The following PARD3 variants were observed in gnomAD, a reference collection of about 807,000 sequenced individuals.
PARD3 encodes the protein par-3 family cell polarity regulator.
A neutral mutation model predicts 155.4 loss-of-function variants in PARD3; 75 were observed. The observed-to-expected ratio is 0.48, with a 90% CI of 0.40 to 0.58. PARD3 has a LOEUF of 0.58. Ranked by LOEUF, PARD3 falls within the 20% of genes least tolerant of loss-of-function variation. The probability of loss-of-function intolerance (pLI) is 0.00; values close to 1 mark genes in which losing one functional copy is unlikely to be tolerated. For missense variants in PARD3, 1,642 were observed against 1,721.7 expected (o/e 0.95, Z 0.82); for synonymous variants, 576 against 610.5 (o/e 0.94, Z 0.83).
At chr10:34,514,035 G>C (rs890801737) in intron 3 of PARD3, among the ~76,000 whole-genome samples, 3 of 152,106 alleles carry the variant, frequency 2.0e-5, no homozygotes, top group African/African-American at 7.2e-5. Context: ...AGCTTCTAGG[G>C]AAACATAAAA....
chr10:34,474,323 C>G (rs2078559100), intron 3 of PARD3, among the ~76,000 whole-genome samples: 1 of 152,186 alleles, frequency 6.6e-6, no homozygotes, highest in Admixed American at 6.5e-5. Context: ...GACCCCGGGG[C>G]AGGTATAGGT....
At chr10:34,533,972 C>T (rs1036657030) in intron 2 of PARD3, among the ~76,000 whole-genome samples, 5 of 152,102 alleles carry the variant, frequency 3.3e-5, no homozygotes, top group Non-Finnish European at 5.9e-5. Flanking sequence ...TTCAGTACGT[C>T]GGCAAGAGAT....
chr10:34,457,678 G>A (rs2077407584), intron 4 of PARD3, among the ~76,000 whole-genome samples: 1 of 152,050 alleles, frequency 6.6e-6, no homozygotes, highest in Non-Finnish European at 1.5e-5. Flanking sequence ...TTGGCTCACT[G>A]CAACCTCCAC....
At chr10:34,734,322 C>CTTTTTTTT (rs142307338) in intron 1 of PARD3, among the ~76,000 whole-genome samples, 21 of 68,008 alleles carry the variant, frequency 3.1e-4, no homozygotes, top group African/African-American at 1.0e-3. Context: ...ATATGGGGCC[C>CTTTTTTTT]TTTTTTTTTT....
At chr10:34,535,979 T>C (rs1203115229) in intron 2 of PARD3, among the ~76,000 whole-genome samples, 2 of 152,206 alleles carry the variant, frequency 1.3e-5, no homozygotes, top group Admixed American at 1.3e-4. Context: ...TAGTCAGTAC[T>C]GTTATTAATA....
intron 21 of PARD3, among the ~76,000 whole-genome samples, chr10:34,277,211 C>T (rs1252993901): frequency 6.6e-6 from 1 of 152,106 alleles, no homozygotes; most frequent in Non-Finnish European, 1.5e-5. Flanking sequence ...GAAATTTAAG[C>T]TACAAAACAA....
chr10:34,444,377 T>C (rs934117686), intron 5 of PARD3, among the ~76,000 whole-genome samples: 3 of 152,262 alleles, frequency 2.0e-5, no homozygotes, highest in Admixed American at 1.3e-4. Context: ...AAAGTCAGCT[T>C]ATGATCTATT....
chr10:34,446,890 T>A (rs549553447), intron 5 of PARD3, among the ~76,000 whole-genome samples: 113 of 152,328 alleles, frequency 7.4e-4, no homozygotes, highest in Admixed American at 2.2e-3. Flanking sequence ...TGTAAAACAT[T>A]TATGATTTCT....
intron 22 of PARD3, among the ~76,000 whole-genome samples, chr10:34,177,273 T>C (rs1282802478): frequency 1.3e-5 from 2 of 152,182 alleles, no homozygotes; most frequent in East Asian, 1.9e-4. Flanking sequence ...AAATAACCCA[T>C]GTGCTGTGCA....
At chr10:34,187,164 G>A (rs771012369) in intron 22 of PARD3, among the ~76,000 whole-genome samples, 2 of 152,136 alleles carry the variant, frequency 1.3e-5, no homozygotes, top group Non-Finnish European at 2.9e-5. Flanking sequence ...GAGTGGAGAC[G>A]TTAAAGAACT....
intron 3 of PARD3, among the ~76,000 whole-genome samples, chr10:34,480,545 T>A (rs1462652928): frequency 6.6e-6 from 1 of 152,188 alleles, no homozygotes; most frequent in East Asian, 1.9e-4. Flanking sequence ...AACCTGTTTC[T>A]ACTTTTAACA....
intron 2 of PARD3, chr10:34,664,089 C>T (rs1177747418): frequency 6.6e-6 from 1 of 152,284 alleles, no homozygotes; most frequent in East Asian, 1.9e-4. Context: ...AAGGATGACA[C>T]TCCCTTCCTC....
At chr10:34,311,960 C>T (rs1464594681) in intron 20 of PARD3, among the ~76,000 whole-genome samples, 1 of 152,142 alleles carries the variant, frequency 6.6e-6, no homozygotes, top group Non-Finnish European at 1.5e-5. Context: ...CTGGTGGTTA[C>T]ACAACACAAC....
At chr10:34,333,420 G>A (rs1406873969) in intron 18 of PARD3, among the ~76,000 whole-genome samples, 1 of 152,066 alleles carries the variant, frequency 6.6e-6, no homozygotes, top group Non-Finnish European at 1.5e-5. Context: ...AATTTTGTAA[G>A]TGCAATTCAG....
chr10:34,216,125 T>C (rs1951991049), intron 22 of PARD3, among the ~76,000 whole-genome samples: 1 of 152,164 alleles, frequency 6.6e-6, no homozygotes, highest in Non-Finnish European at 1.5e-5. Context: ...CATTCCCTCA[T>C]TTGGGCACAG....
intron 2 of PARD3, among the ~76,000 whole-genome samples, chr10:34,568,676 G>A (rs999074617): frequency 2.0e-5 from 3 of 152,162 alleles, no homozygotes; most frequent in East Asian, 1.9e-4. Context: ...CAGACGCAGC[G>A]ATTTCCAAGC....
chr10:34,695,970 G>A (rs767043636), intron 2 of PARD3, among the ~76,000 whole-genome samples: 4 of 152,186 alleles, frequency 2.6e-5, no homozygotes, highest in African/African-American at 4.8e-5. Context: ...TTGTATACAC[G>A]GAGATGATAA....
chr10:34,469,959 CGCTCACAAAAG>C (rs1186683335), intron 4 of PARD3, 115 bp downstream of exon 4: 1 of 646,186 alleles, frequency 1.5e-6, no homozygotes, highest in Admixed American at 3.4e-5. Flanking sequence ...GTTGGTACCA[CGCTCACAAAAG>C]GCCATCATGA....
chr10:34,288,158 C>T (rs532571208), intron 20 of PARD3, among the ~76,000 whole-genome samples: 1 of 152,224 alleles, frequency 6.6e-6, no homozygotes, highest in East Asian at 1.9e-4. Flanking sequence ...CTGCAGTGAT[C>T]CATGATTGTG....
Sources: gnomAD v4.1 joint callset for allele counts (sites outside exome capture counted in the v4.1 genomes callset) on GRCh38, gnomAD v4.1.1 for gene constraint, MANE v1.5 for transcripts, NCBI Gene and HGNC (gene_info 2026-07-23, HGNC 2026-07-21) for gene names.